Variants in NETO1 observed in about 807,000 individuals in gnomAD.
The protein encoded by NETO1 is neuropilin and tolloid-like protein 1.
Under a neutral mutation model 61.3 loss-of-function variants are expected in NETO1, and 26 were observed. The observed-to-expected ratio is 0.42, with a 90% CI of 0.31 to 0.59. The LOEUF is 0.59. Ranked by LOEUF, NETO1 falls within the 20% of genes least tolerant of loss-of-function variation. NETO1 has a pLI of 0.12. For missense variants in NETO1, 531 were observed against 662.8 expected (o/e 0.80, Z 2.18); for synonymous variants, 225 against 225.8 (o/e 1.00, Z 0.03).
intron 2 of NETO1, 103 bp downstream of exon 2, chr18:72,865,085 T>C: frequency 2.9e-6 from 4 of 1,393,522 alleles, no homozygotes; most frequent in South Asian, 1.3e-5. Context: ...ATTATACATA[T>C]TATAACAGGT....
Position 72,844,558 on chromosome 18 carries a change from A to G in NETO1, c.469+14268T>C, listed in dbSNP as rs561674685. ...CCTCTCCTTTCAAAGTTACACACCTACTTTTCAAATGGTCTTGTCTACCAG... is the reference window on the plus strand; with the variant it reads ...CCTCTCCTTTCAAAGTTACACACCTGCTTTTCAAATGGTCTTGTCTACCAG... On this transcript the variant is annotated intron_variant, in intron 4 of 10. Coordinates refer to ENST00000327305, the MANE Select transcript of NETO1 (RefSeq NM_138966.5). 1.7e-3 allele frequency among the ~76,000 whole-genome samples: 253 copies of G among 152,270 alleles called. 1 individual carries two copies. The highest frequency in any genetic ancestry group is 5.1e-3 in the African/African-American group (213 of 41,554).
At chr18:72,784,063 C>T (rs532128415) in intron 6 of NETO1, among the ~76,000 whole-genome samples, 157 bp from the exon 7 acceptor site, 24 of 151,972 alleles carry the variant, frequency 1.6e-4, no homozygotes, top group Non-Finnish European at 2.8e-4. Context: ...ACGATAAGAA[C>T]AAACTGTGTT....
intron 7 of NETO1, among the ~76,000 whole-genome samples, chr18:72,761,013 C>T (rs184344881): frequency 2.8e-4 from 43 of 151,908 alleles, no homozygotes; most frequent in African/African-American, 9.4e-4. Context: ...CTACCACCAC[C>T]GTTACCAAAA....
chr18:72,786,202 CTTATT>C (rs1342228251), intron 6 of NETO1, among the ~76,000 whole-genome samples: 7 of 152,094 alleles, frequency 4.6e-5, no homozygotes, highest in African/African-American at 1.7e-4. Flanking sequence ...ATAGAATAGT[CTTATT>C]TTATTATATA....
chr18:72,825,381 C>T (rs899736113), intron 4 of NETO1, among the ~76,000 whole-genome samples: 8 of 151,898 alleles, frequency 5.3e-5, no homozygotes, highest in Non-Finnish European at 1.0e-4. Flanking sequence ...TGTTGATAAC[C>T]CTTCACCTTT....
chr18:72,832,692 G>T (rs1313766425), intron 4 of NETO1, among the ~76,000 whole-genome samples: 1 of 152,078 alleles, frequency 6.6e-6, no homozygotes, highest in Middle Eastern at 3.2e-3. Flanking sequence ...AATTTATTCT[G>T]CCTGCTGCTC....
intron 3 of NETO1, among the ~76,000 whole-genome samples, chr18:72,862,795 T>C (rs2074618688): frequency 6.6e-6 from 1 of 151,916 alleles, no homozygotes; most frequent in African/African-American, 2.4e-5. Flanking sequence ...TCATTTTTCG[T>C]ATTTTTAGTA....
Position 72,772,208 on chromosome 18 carries a change from C to A in NETO1, c.868+11470G>T, listed in dbSNP as rs558776804. On this transcript the variant is annotated intron_variant, in intron 7 of 10. Transcript: ENST00000327305. Reference sequence around the variant, plus strand: ...TCTTTATGGCCAGGTGGAGTGTTCACTACAGTTAAAAATCTCTGATTTCTT... The same window carrying A: ...TCTTTATGGCCAGGTGGAGTGTTCAATACAGTTAAAAATCTCTGATTTCTT... 2.6e-5 allele frequency among the ~76,000 whole-genome samples: 4 copies of A among 152,230 alleles called. No homozygotes were observed. In the South Asian group the frequency reaches 8.3e-4, roughly 32 times the overall value.
At chr18:72,865,661 AG>A in intron 1 of NETO1, 1 of 1,573,040 alleles carries the variant, frequency 6.4e-7, no homozygotes, top group Non-Finnish European at 8.6e-7. Flanking sequence ...CAATGAGAAC[AG>A]CTCCATGACT....
chr18:72,763,481 CTTCT>C (rs36225055), intron 7 of NETO1, among the ~76,000 whole-genome samples: 4,229 of 152,126 alleles, frequency 0.028, 139 homozygotes, highest in East Asian at 0.1. Context: ...ATTATTTTAA[CTTCT>C]TTAATTTTGA....
chr18:72,849,575 T>C (rs183886267), intron 4 of NETO1, among the ~76,000 whole-genome samples: 26 of 152,364 alleles, frequency 1.7e-4, no homozygotes, highest in African/African-American at 6.3e-4. Flanking sequence ...GCCAACTGCC[T>C]AATTCCAAAA....
intron 1 of NETO1, among the ~76,000 whole-genome samples, chr18:72,866,491 C>T (rs555148848): frequency 1.3e-5 from 2 of 151,962 alleles, no homozygotes; most frequent in Non-Finnish European, 2.9e-5. Flanking sequence ...GTATGCACAT[C>T]CTTCAGCATC....
intron 4 of NETO1, 86 bp from the exon 5 acceptor site, chr18:72,794,490 G>A: frequency 7.6e-7 from 1 of 1,308,652 alleles, no homozygotes; most frequent in East Asian, 2.3e-5. Context: ...AAGTTTTCCA[G>A]AAATCTACCT....
chr18:72,846,519 AAAAAAAAAAAAAAAAG>A (rs1255568239), intron 4 of NETO1, among the ~76,000 whole-genome samples: 10 of 148,088 alleles, frequency 6.8e-5, no homozygotes, highest in Admixed American at 4.1e-4. Flanking sequence ...AAAAAAAAAA[AAAAAAAAAAAAAAAAG>A]AAGATGCATA....
At chr18:72,792,629 T>C (rs147479693) in intron 6 of NETO1, among the ~76,000 whole-genome samples, 5 of 151,652 alleles carry the variant, frequency 3.3e-5, no homozygotes, top group Non-Finnish European at 7.4e-5. Flanking sequence ...TGTCCCTTCT[T>C]TGCAGGAAAA....
chr18:72,793,862 G>A (rs957013806), intron 6 of NETO1, among the ~76,000 whole-genome samples: 1 of 152,172 alleles, frequency 6.6e-6, no homozygotes, highest in African/African-American at 2.4e-5. Flanking sequence ...TTTCAGAGAG[G>A]TCGACTTACC....
intron 4 of NETO1, among the ~76,000 whole-genome samples, chr18:72,842,337 G>A (rs1347304614): frequency 2.6e-5 from 4 of 151,990 alleles, no homozygotes; most frequent in East Asian, 3.9e-4. Flanking sequence ...TTATTGTTAC[G>A]AGTTTCGAAT....
At chr18:72,792,924 A>G (rs1466809610) in intron 6 of NETO1, among the ~76,000 whole-genome samples, 1 of 152,004 alleles carries the variant, frequency 6.6e-6, no homozygotes, top group Non-Finnish European at 1.5e-5. Context: ...TTGACAAAAT[A>G]CTTCTCATTA....
chr18:72,839,989 A>C (rs890401827), intron 4 of NETO1, among the ~76,000 whole-genome samples: 1 of 152,202 alleles, frequency 6.6e-6, no homozygotes, highest in African/African-American at 2.4e-5. Flanking sequence ...GAACGCTGCG[A>C]TGCTGTTGGT....
Sources: gnomAD v4.1 joint callset for allele counts (sites outside exome capture counted in the v4.1 genomes callset) on GRCh38, gnomAD v4.1.1 for gene constraint, MANE v1.5 for transcripts, NCBI Gene and HGNC (gene_info 2026-07-23, HGNC 2026-07-21) for gene names.